The following SYT7 variants were observed in gnomAD, a reference collection of about 807,000 sequenced individuals.
SYT7 encodes the protein synaptotagmin-7.
In SYT7, 29 loss-of-function variants were observed where a neutral mutation model predicts 75.1. The observed-to-expected ratio is 0.39, with a 90% CI of 0.29 to 0.53. The LOEUF (loss-of-function observed/expected upper bound fraction) is 0.53. SYT7 is among the 20% of genes least tolerant of loss of function. The pLI, the probability that SYT7 is intolerant of heterozygous loss-of-function variation, is 0.77. For synonymous variants in SYT7, 376 were observed against 401.7 expected (o/e 0.94, Z 0.76); for missense variants, 693 against 953.2 (o/e 0.73, Z 3.59).
chr11:61,530,446 T>C (rs143468591), intron 8 of SYT7, among the ~76,000 whole-genome samples: 22 of 152,324 alleles, frequency 1.4e-4, no homozygotes, highest in African/African-American at 5.1e-4. Context: ...CCCACACCCT[T>C]TGACCCTGTT....
chr11:61,538,352 A>G lies in SYT7; in HGVS notation c.942-86T>C, dbSNP rs7116807. 3,896 of 597,520 alleles carry G rather than the reference A, an allele frequency of 6.5e-3. 43 individuals carry two copies. Among genetic ancestry groups the G allele is most frequent in the South Asian group, 0.012 (481 of 40,012 alleles). 37.0% of individuals were successfully genotyped at this position (597,520 alleles called of 1,614,324 possible). On this transcript the variant is annotated intron_variant, in intron 6 of 12. Transcript: ENST00000539008. ...AGGGGGGAAGGAGAGAGAGGGAGAG[A>G]GAGAGAGAGAGAGAGAGAGAGAGAG... is the stretch of plus-strand genomic sequence containing the variant.
intron 1 of SYT7, among the ~76,000 whole-genome samples, chr11:61,558,500 A>AC (rs980824907): frequency 5.7e-4 from 81 of 141,506 alleles, no homozygotes; most frequent in Non-Finnish European, 1.0e-3. Context: ...ACACACACAC[A>AC]CACATACACA....
Position 61,517,642 on chromosome 11 carries a change from TGGCGGGG to T in SYT7, c.*978_*984del. 2.5e-6 allele frequency: 1 copy of T among 398,588 alleles called. No homozygotes were observed. The highest frequency in any genetic ancestry group is 4.4e-6 in the Non-Finnish European group (1 of 226,238). 24.7% of individuals were successfully genotyped at this position (398,588 alleles called of 1,614,324 possible). On this transcript the variant is annotated 3_prime_UTR_variant, in exon 13 of 13. Transcript: ENST00000539008. ...TGGCTGCGTATGAGGTGTGGGAAGC[TGGCGGGG>T]GGTCTTTTGATGAAGGAGTTAGGGC...
rs541908538 is a variant in SYT7, at chr11:61,561,901, A to G, written c.32-5694T>C. 1.0e-3 allele frequency among the ~76,000 whole-genome samples: 157 copies of G among 152,216 alleles called. 3 individuals are homozygous for G. The South Asian group carries it at 0.032, about 31-fold the overall frequency. ...TGAATGTTCAATGCTTGTATATGTT[A>G]TCTCATTTGTCACCCAAATAAGATG... On this transcript the variant is annotated intron_variant, in intron 1 of 12. Coordinates refer to ENST00000539008, the MANE Select transcript of SYT7 (RefSeq NM_001365809.2).
chr11:61,547,364 C>T (rs2063220015), intron 3 of SYT7, 56 bp from the exon 4 acceptor site: 1 of 1,527,362 alleles, frequency 6.5e-7, no homozygotes, highest in African/African-American at 1.4e-5. Flanking sequence ...GAAACAAGAA[C>T]TGCAAGTCCT....
chr11:61,568,969 A>G (rs570622307), intron 1 of SYT7, among the ~76,000 whole-genome samples: 20 of 152,308 alleles, frequency 1.3e-4, no homozygotes, highest in African/African-American at 4.6e-4. Flanking sequence ...TCAGGCAAAG[A>G]CGGTGGGACA....
intron 6 of SYT7, chr11:61,541,246 C>T (rs1298740232): frequency 4.6e-5 from 45 of 985,430 alleles, no homozygotes; most frequent in Non-Finnish European, 5.3e-5. Flanking sequence ...TCTCCTGCTC[C>T]GTGAAAAGTG....
intron 8 of SYT7, chr11:61,531,057 C>T (rs2062690075): frequency 1.0e-6 from 1 of 985,340 alleles, no homozygotes; most frequent in Admixed American, 6.1e-5. Flanking sequence ...GGGTGCTTAA[C>T]TCTTGTCTCT....
At chr11:61,519,959 T>C (rs912063796) in intron 12 of SYT7, among the ~76,000 whole-genome samples, 6 of 152,116 alleles carry the variant, frequency 3.9e-5, no homozygotes, top group Admixed American at 3.9e-4. Context: ...TAGCTGGGAT[T>C]ACAGGCGCCC....
rs780358194 is a variant in SYT7, at chr11:61,546,236, C to G, written c.367G>C (p.Ala123Pro). ...LSLNGTLLSG[A>P]KVAAAAGLAV... ...AGCCCCGCCGCGGCGGCCACTTTGG[C>G]GCCCGACAGGAGGGTGCCACTGGAG... Residue 123 changes from alanine (A) to proline (P), a missense_variant, in exon 5 of 13, where the codon GCC becomes CCC. This residue lies in a region of SYT7 where 487 missense variants were observed against 593.2 expected (regional missense o/e 0.82). Transcript: ENST00000539008. The surrounding 1 kb of genome is among the most constrained non-coding windows in gnomAD (Gnocchi z 7.6). The G allele has an allele frequency of 1.4e-6, 2 of 1,453,194 alleles. No homozygotes were observed. The highest frequency in any genetic ancestry group is 1.8e-6 in the Non-Finnish European group (2 of 1,113,564). 90.0% of individuals were successfully genotyped at this position (1,453,194 alleles called of 1,614,324 possible). A position where few individuals can be genotyped will look rare whatever the true frequency, so the allele number is the denominator to read the frequency against.
chr11:61,570,680 G>GTCCCTGAGT (rs1753059028), intron 1 of SYT7, among the ~76,000 whole-genome samples: 1 of 152,126 alleles, frequency 6.6e-6, no homozygotes, highest in Non-Finnish European at 1.5e-5. Context: ...AGTTCCCAAG[G>GTCCCTGAGT]TCCCAGAACA....
chr11:61,522,085 A>C (rs2062354854), intron 12 of SYT7, among the ~76,000 whole-genome samples: 1 of 152,030 alleles, frequency 6.6e-6, no homozygotes. Context: ...AGGAGTAGAC[A>C]TTTTAAGGTA....
At chr11:61,582,533 A>G (rs577248986), upstream of SYT7, among the ~76,000 whole-genome samples, 10 of 152,202 alleles carry the variant, frequency 6.6e-5, no homozygotes, top group East Asian at 1.9e-3. Flanking sequence ...ACACACATAC[A>G]CATTCACCTC....
chr11:61,551,572 C>T lies in SYT7; in HGVS notation c.136-109G>A. ...GAGATAGACTGGAGTCGGGCCGTGG[C>T]AACAAGGCCAGGACCAGTGTGCGAG... On this transcript the variant is annotated intron_variant, in intron 2 of 12. Transcript: ENST00000539008. The surrounding 1 kb of genome is among the most constrained non-coding windows in gnomAD (Gnocchi z 5.3). 1 of 1,114,916 alleles carries T rather than the reference C, an allele frequency of 9.0e-7. No homozygotes were observed. The highest frequency in any genetic ancestry group is 2.4e-5 in the East Asian group (1 of 41,520). The allele number at this position is 1,114,916 out of a possible 1,614,324, so 69.1% of individuals were successfully genotyped here.
In SYT7 at chr11:61,556,149, G is replaced by C; in HGVS notation, c.90C>G (p.Val30=). 1 of 1,614,056 alleles carries C rather than the reference G, an allele frequency of 6.2e-7. No homozygotes were observed. Among genetic ancestry groups the C allele is most frequent in the Non-Finnish European group, 8.5e-7 (1 of 1,179,972 alleles). The part of the protein sequence containing the change: ...VSAIITVSLS[V]TVVLCGLCHW... Reference sequence around the variant, plus strand: ...GGCAGAGGCCGCAGAGGACGACAGTGACGCTAAGGCTGACGGTGATGATGG... The same window carrying C: ...GGCAGAGGCCGCAGAGGACGACAGTCACGCTAAGGCTGACGGTGATGATGG... Residue 30 remains valine, a synonymous_variant, in exon 2 of 13, where the codon GTC becomes GTG. Transcript: ENST00000539008.
intron 1 of SYT7, among the ~76,000 whole-genome samples, chr11:61,565,875 T>C (rs2063753051): frequency 6.6e-6 from 1 of 152,236 alleles, no homozygotes; most frequent in Non-Finnish European, 1.5e-5. Flanking sequence ...AAACAGATAA[T>C]GTGTGAGTGA....
At chr11:61,570,832 G>A (rs113764720) in intron 1 of SYT7, among the ~76,000 whole-genome samples, 47 of 152,262 alleles carry the variant, frequency 3.1e-4, no homozygotes, top group African/African-American at 1.1e-3. Context: ...CTTTGGACAG[G>A]TCACTGTTCC....
At chr11:61,543,998 C>G (rs1338615878) in intron 5 of SYT7, among the ~76,000 whole-genome samples, 1 of 152,240 alleles carries the variant, frequency 6.6e-6, no homozygotes, top group Admixed American at 6.5e-5. Flanking sequence ...CCACATCTAG[C>G]CTGCTGCTTG....
chr11:61,575,564 T>C (rs986963484), intron 1 of SYT7, among the ~76,000 whole-genome samples: 9 of 152,220 alleles, frequency 5.9e-5, no homozygotes, highest in Non-Finnish European at 1.2e-4. Flanking sequence ...CACCCATGTA[T>C]GCCACACAGC....
Sources: allele counts gnomAD v4.1 joint callset (sites outside exome capture counted in the v4.1 genomes callset), GRCh38; gene constraint gnomAD v4.1.1; regional missense constraint gnomAD v4.1.1; non-coding constraint Gnocchi (gnomAD v3.1); transcripts MANE v1.5; gene names NCBI Gene and HGNC (gene_info 2026-07-23, HGNC 2026-07-21).